WWOX: variants seen among roughly 807,000 people sequenced by gnomAD.
WWOX encodes the protein WW domain-containing oxidoreductase.
WWOX carries 69 observed loss-of-function variants against 46.2 expected under a neutral mutation model. The observed-to-expected ratio is 1.49, with a 90% CI of 1.23 to 1.82. The LOEUF is 1.82. Among genes scored for constraint, WWOX ranks in the 40% most tolerant of loss-of-function variants. WWOX has a pLI of 0.00. For missense variants in WWOX, 919 were observed against 542.6 expected (o/e 1.69, Z -6.89); for synonymous variants, 359 against 202.6 (o/e 1.77, Z -6.56).
At chr16:79,185,985 T>A (rs2051006738) in intron 8 of WWOX, among the ~76,000 whole-genome samples, 1 of 152,048 alleles carries the variant, frequency 6.6e-6, no homozygotes, top group South Asian at 2.1e-4. Context: ...TGTGTGTGTA[T>A]TATTAATATG....
intron 8 of WWOX, among the ~76,000 whole-genome samples, chr16:79,088,307 G>A (rs1369740300): frequency 6.6e-6 from 1 of 152,282 alleles, no homozygotes; most frequent in African/African-American, 2.4e-5. Context: ...CAGCCCGTTG[G>A]TTGTTTTCTC....
Position 78,981,326 on chromosome 16 carries a change from G to A in WWOX, c.1057-230282G>A, listed in dbSNP as rs144027265. 9.7e-4 allele frequency among the ~76,000 whole-genome samples: 148 copies of A among 152,210 alleles called. 1 individual carries two copies. Among genetic ancestry groups the A allele is most frequent in the Non-Finnish European group, 1.4e-3 (94 of 68,006 alleles). ...CGGGAATAACCAAAAATGCTGGGTG[G>A]GGGGGGAAAACGCCAGCAGATCTCT... On this transcript the variant is annotated intron_variant, in intron 8 of 8. Transcript: ENST00000566780.
rs370226009 is a variant in WWOX, at chr16:78,859,579, T to A, written c.1057-352029T>A. The stretch of plus-strand genomic sequence containing the variant: ...TCAGATTTTTCCTGTCATTATGGAT[T>A]TGGTTTTAGGGAAAATACCTTCATG... On this transcript the variant is annotated intron_variant, in intron 8 of 8. Coordinates refer to ENST00000566780, the MANE Select transcript of WWOX (RefSeq NM_016373.4). Among the ~76,000 whole-genome samples, 17 of 152,332 alleles carry A rather than the reference T, an allele frequency of 1.1e-4. No homozygotes were observed. In the South Asian group the frequency reaches 3.3e-3, roughly 30 times the overall value.
In WWOX at chr16:78,807,589, G is replaced by C. The variant is rs577135088; in HGVS notation, c.1056+374837G>C. ...ATGTGGCAAATGTGGAGTGCCATGGGATGAAGCCAGTCAATTTCATCTAGG... is the reference window on the plus strand; with the variant it reads ...ATGTGGCAAATGTGGAGTGCCATGGCATGAAGCCAGTCAATTTCATCTAGG... On this transcript the variant is annotated intron_variant, in intron 8 of 8. Coordinates refer to ENST00000566780, the MANE Select transcript of WWOX (RefSeq NM_016373.4). 2.3e-3 allele frequency among the ~76,000 whole-genome samples: 348 copies of C among 152,356 alleles called. 2 individuals are homozygous for C. The highest frequency in any genetic ancestry group is 2.5e-3 in the South Asian group (12 of 4,824).
intron 8 of WWOX, among the ~76,000 whole-genome samples, chr16:78,500,580 G>A (rs1051191719): frequency 2.6e-5 from 4 of 152,096 alleles, no homozygotes; most frequent in Non-Finnish European, 4.4e-5. Flanking sequence ...GGCTCCAACA[G>A]CATTTTCCTA....
chr16:78,422,987 G>C (rs2082988397), intron 6 of WWOX, among the ~76,000 whole-genome samples: 1 of 151,454 alleles, frequency 6.6e-6, no homozygotes, highest in African/African-American at 2.4e-5. Flanking sequence ...CTGGGTTCAA[G>C]TGATTCTCCT....
In WWOX at chr16:78,542,796, C is replaced by T. The variant is rs112744183; in HGVS notation, c.1056+110044C>T. ...GAAGGTAATAAGCTCCAAGTGCTTT[C>T]GTTTCCTTTCTTTCTTTCTTAATGC... On this transcript the variant is annotated intron_variant, in intron 8 of 8. Coordinates refer to ENST00000566780, the MANE Select transcript of WWOX (RefSeq NM_016373.4). Among the ~76,000 whole-genome samples the T allele has an allele frequency of 4.2e-4, 64 of 152,294 alleles. 1 individual carries two copies. Among genetic ancestry groups the T allele is most frequent in the African/African-American group, 1.0e-3 (43 of 41,570 alleles).
At chr16:78,582,707 C>G (rs2045092007) in intron 8 of WWOX, among the ~76,000 whole-genome samples, 1 of 152,136 alleles carries the variant, frequency 6.6e-6, no homozygotes, top group Admixed American at 6.6e-5. Flanking sequence ...TAACAGTAAA[C>G]TTGTTATGCA....
rs908115123 is a variant in WWOX, at chr16:78,140,908, A to G, written c.410-23275A>G. Among the ~76,000 whole-genome samples the G allele has an allele frequency of 2.6e-5, 4 of 152,222 alleles. No homozygotes were observed. In the East Asian group the frequency reaches 5.8e-4, roughly 22 times the overall value. On this transcript the variant is annotated intron_variant, in intron 4 of 8. Coordinates refer to ENST00000566780, the MANE Select transcript of WWOX (RefSeq NM_016373.4). ...TATCCAGATGCATAGCAATCATTCAACAAGTCATTCGAAAGAAATAGGTAT... is the reference window on the plus strand; with the variant it reads ...TATCCAGATGCATAGCAATCATTCAGCAAGTCATTCGAAAGAAATAGGTAT...
chr16:78,524,783 G>A (rs532707464), intron 8 of WWOX, among the ~76,000 whole-genome samples: 149 of 149,324 alleles, frequency 1.0e-3, no homozygotes, highest in African/African-American at 3.6e-3. Context: ...TATATAGTAA[G>A]GGAGGTCAAA....
intron 8 of WWOX, among the ~76,000 whole-genome samples, chr16:78,978,378 C>T (rs573689799): frequency 2.6e-5 from 4 of 152,236 alleles, no homozygotes; most frequent in Non-Finnish European, 4.4e-5. Flanking sequence ...CTGGGTCACG[C>T]AGTAATTCTT....
chr16:78,467,790 T>C (rs1048969583), intron 8 of WWOX, among the ~76,000 whole-genome samples: 3 of 152,210 alleles, frequency 2.0e-5, no homozygotes, highest in African/African-American at 7.2e-5. Flanking sequence ...TTCTTTTTCT[T>C]CCTTACTTAG....
intron 8 of WWOX, among the ~76,000 whole-genome samples, chr16:78,902,586 G>T (rs967946825): frequency 4.6e-5 from 7 of 152,186 alleles, no homozygotes; most frequent in African/African-American, 1.7e-4. Context: ...TAGAAAATCT[G>T]ACACCAGCTT....
intron 3 of WWOX, 142 bp from the exon 4 acceptor site, chr16:78,114,834 C>T (rs1229250839): frequency 9.9e-7 from 1 of 1,005,376 alleles, no homozygotes; most frequent in Non-Finnish European, 1.5e-6. Flanking sequence ...AAGATAGATT[C>T]AGTGGGCCCC....
At chr16:78,300,995 C>CCCAT (rs199726152) in intron 5 of WWOX, among the ~76,000 whole-genome samples, 22,679 of 151,748 alleles carry the variant, frequency 0.15, 1,874 homozygotes, top group Middle Eastern at 0.3. Flanking sequence ...CATCTACCCA[C>CCCAT]CCATCCATCC....
At chr16:78,226,776 A>C (rs1207237362) in intron 5 of WWOX, among the ~76,000 whole-genome samples, 2 of 152,182 alleles carry the variant, frequency 1.3e-5, no homozygotes, top group East Asian at 3.9e-4. Flanking sequence ...CAGGTGCATG[A>C]TAAGTGTGTC....
chr16:79,004,756 T>G (rs1040235493), intron 8 of WWOX: 5 of 152,258 alleles, frequency 3.3e-5, no homozygotes, highest in African/African-American at 1.2e-4. Flanking sequence ...GTGTATGCTT[T>G]ATTTTATATT....
chr16:78,492,762 A>C (rs1343012976), intron 8 of WWOX, among the ~76,000 whole-genome samples: 1 of 152,236 alleles, frequency 6.6e-6, no homozygotes, highest in African/African-American at 2.4e-5. Context: ...AATATGCATA[A>C]TCACATCAAG....
intron 8 of WWOX, among the ~76,000 whole-genome samples, chr16:78,910,476 T>C (rs565627950): frequency 6.6e-5 from 10 of 150,998 alleles, no homozygotes; most frequent in Non-Finnish European, 3.0e-5. Context: ...GTGTGGTGTT[T>C]CATGTTAGCA....
Sources: gnomAD v4.1 joint callset for allele counts (sites outside exome capture counted in the v4.1 genomes callset) on GRCh38, gnomAD v4.1.1 for gene constraint, MANE v1.5 for transcripts, NCBI Gene and HGNC (gene_info 2026-07-23, HGNC 2026-07-21) for gene names.